Variants in CNTN6 observed in about 807,000 individuals in gnomAD.
CNTN6 encodes contactin 6.
CNTN6 carries 137 observed loss-of-function variants against 122.8 expected under a neutral mutation model. That is an observed-to-expected ratio of 1.12 (90% CI 0.97 to 1.29). The LOEUF (loss-of-function observed/expected upper bound fraction) is 1.29. CNTN6 is among the 50% of genes most tolerant of loss of function. The pLI is 0.00. For missense variants in CNTN6, 1,634 were observed against 1,223.4 expected, an observed-to-expected ratio of 1.34 and a Z score of -5.01; for synonymous variants, 570 against 426.0, an observed-to-expected ratio of 1.34 and a Z score of -4.16.
chr3:1,115,101 G>C (rs1325400037), intron 1 of CNTN6, among the ~76,000 whole-genome samples: 1 of 152,082 alleles, frequency 6.6e-6, no homozygotes, highest in African/African-American at 2.4e-5. Flanking sequence ...CAGAAAGCTG[G>C]GAGTTTATAT....
intron 2 of CNTN6, chr3:1,173,164 G>T (rs1281477734): frequency 4.4e-6 from 2 of 454,634 alleles, no homozygotes; most frequent in South Asian, 3.1e-5. Flanking sequence ...ACCGTAAGGA[G>T]AGGACATTTT....
At chr3:1,393,314 A>AT (rs1352173645) in intron 20 of CNTN6, among the ~76,000 whole-genome samples, 1 of 104,826 alleles carries the variant, frequency 9.5e-6, no homozygotes, top group East Asian at 2.8e-4. Flanking sequence ...AGAACAAAAA[A>AT]CCAAACACTG....
chr3:1,281,014 T>A (rs1434025184), intron 5 of CNTN6, among the ~76,000 whole-genome samples: 1 of 152,146 alleles, frequency 6.6e-6, no homozygotes, highest in East Asian at 1.9e-4. Context: ...AAGAGCCCCA[T>A]CTCTTGTGAG....
chr3:1,372,739 A>G, intron 13 of CNTN6, 99 bp from the exon 14 acceptor site: 1 of 758,528 alleles, frequency 1.3e-6, no homozygotes, highest in Non-Finnish European at 2.2e-6. Flanking sequence ...TTTTAATTTC[A>G]GAGTTGTTTT....
chr3:1,148,453 A>C (rs2092769857), intron 2 of CNTN6, among the ~76,000 whole-genome samples: 1 of 144,542 alleles, frequency 6.9e-6, no homozygotes. Context: ...ATTAAAATTA[A>C]AATACATATT....
chr3:1,155,475 T>G (rs555678852), intron 2 of CNTN6, among the ~76,000 whole-genome samples: 2 of 146,426 alleles, frequency 1.4e-5, no homozygotes, highest in East Asian at 2.1e-4. Context: ...TCTTTTGGGC[T>G]TAGGATTTTT....
At chr3:1,239,934 T>C (rs898207232) in intron 4 of CNTN6, among the ~76,000 whole-genome samples, 1 of 152,144 alleles carries the variant, frequency 6.6e-6, no homozygotes. Context: ...AAGGACATCC[T>C]ATTCAACAAA....
chr3:1,231,849 C>G (rs936845628), intron 4 of CNTN6, among the ~76,000 whole-genome samples: 2 of 152,190 alleles, frequency 1.3e-5, no homozygotes, highest in East Asian at 1.9e-4. Flanking sequence ...AGTCTAGTCA[C>G]CAAAGGCTTC....
chr3:1,385,952 CT>C (rs1667816993), intron 20 of CNTN6, among the ~76,000 whole-genome samples, 155 bp downstream of exon 20: 1 of 152,086 alleles, frequency 6.6e-6, no homozygotes, highest in Admixed American at 6.6e-5. Context: ...TTGTTGAAAC[CT>C]TTTGGTAACA....
At chr3:1,293,928 T>A (rs1341172454) in intron 5 of CNTN6, among the ~76,000 whole-genome samples, 1 of 152,202 alleles carries the variant, frequency 6.6e-6, no homozygotes, top group Non-Finnish European at 1.5e-5. Context: ...TGCTCAAAGA[T>A]TTCTGGCTAA....
chr3:1,341,153 C>T (rs975719226), intron 11 of CNTN6, among the ~76,000 whole-genome samples: 1 of 151,628 alleles, frequency 6.6e-6, no homozygotes, highest in Non-Finnish European at 1.5e-5. Context: ...TCAATGTGTT[C>T]TCCTCTAGTA....
intron 2 of CNTN6, among the ~76,000 whole-genome samples, chr3:1,174,220 T>C (rs1469744164): frequency 6.6e-6 from 1 of 152,226 alleles, no homozygotes; most frequent in Non-Finnish European, 1.5e-5. Context: ...GCTTTATTTT[T>C]TCCCCTAAGA....
chr3:1,306,402 C>A (rs1466083939), intron 7 of CNTN6, among the ~76,000 whole-genome samples: 1 of 152,136 alleles, frequency 6.6e-6, no homozygotes, highest in East Asian at 1.9e-4. Flanking sequence ...ACTAAAAAAT[C>A]TTCAAGCCAA....
chr3:1,247,158 C>T (rs979998392), intron 4 of CNTN6, among the ~76,000 whole-genome samples: 2 of 151,934 alleles, frequency 1.3e-5, no homozygotes, highest in South Asian at 2.1e-4. Flanking sequence ...TTATAATGCA[C>T]CTGCATTTTA....
At chr3:1,368,067 C>G (rs189972542) in intron 12 of CNTN6, among the ~76,000 whole-genome samples, 1 of 152,216 alleles carries the variant, frequency 6.6e-6, no homozygotes, top group East Asian at 1.9e-4. Context: ...AATCCACAGG[C>G]TTAGAAATAG....
intron 1 of CNTN6, among the ~76,000 whole-genome samples, chr3:1,114,275 G>A (rs1361118913): frequency 6.6e-6 from 1 of 152,174 alleles, no homozygotes; most frequent in Non-Finnish European, 1.5e-5. Flanking sequence ...GTATTCACCA[G>A]TGTGGGCCTC....
intron 5 of CNTN6, among the ~76,000 whole-genome samples, chr3:1,291,671 A>G (rs1001977723): frequency 6.6e-6 from 1 of 152,184 alleles, no homozygotes; most frequent in African/African-American, 2.4e-5. Flanking sequence ...TCCTCTTTAT[A>G]TTGAAGAAAA....
chr3:1,275,757 A>G (rs773141042), intron 4 of CNTN6, among the ~76,000 whole-genome samples: 1 of 151,994 alleles, frequency 6.6e-6, no homozygotes, highest in Non-Finnish European at 1.5e-5. Flanking sequence ...GCGGTTCACA[A>G]TAGGGTTTGT....
Position 1,385,624 on chromosome 3 carries a change from C to G in CNTN6, c.2531C>G (p.Thr844Arg), listed in dbSNP as rs765662241. 3.1e-6 allele frequency: 5 copies of G among 1,613,434 alleles called. No individual in the cohort carries two copies. The highest frequency in any genetic ancestry group is 3.3e-5 in the Admixed American group (2 of 59,920). ...TTTAATTATCAGGTCTTATACTGGA[C>G]AGATGACTCCAAAGAATCCATGATA... is the stretch of plus-strand genomic sequence containing the variant. The part of the protein sequence containing the change: ...RVLGYEVLYW[T>R]DDSKESMIGK... The change falls in exon 20 of 23, where the codon ACA becomes AGA. Residue 844 changes from threonine to arginine, a missense_variant. By Grantham distance (71) the Thr-to-Arg change is moderately conservative. Transcript: ENST00000446702.
Sources: gnomAD v4.1 joint callset for allele counts (sites outside exome capture counted in the v4.1 genomes callset) on GRCh38, gnomAD v4.1.1 for gene constraint, MANE v1.5 for transcripts, NCBI Gene and HGNC (gene_info 2026-07-23, HGNC 2026-07-21) for gene names.